The following RAPGEF6 variants were observed in gnomAD, a reference collection of about 807,000 sequenced individuals.
The protein encoded by RAPGEF6 is PDZ domain containing guanine nucleotide exchange factor (GEF) 2.
Under a neutral mutation model 171.4 loss-of-function variants are expected in RAPGEF6, and 56 were observed. The observed-to-expected ratio is 0.33, with a 90% CI of 0.26 to 0.41. RAPGEF6 has a LOEUF of 0.41. Ranked by LOEUF, RAPGEF6 falls within the 10% of genes least tolerant of loss-of-function variation. RAPGEF6 has a pLI of 1.00. For missense variants in RAPGEF6, 1,674 were observed against 1,921.4 expected, an observed-to-expected ratio of 0.87 and a Z score of 2.41; for synonymous variants, 692 against 650.1, an observed-to-expected ratio of 1.06 and a Z score of -0.98.
At chr5:131,452,756 GCGCCCGGCCTGC>G (rs1753188769) in intron 21 of RAPGEF6, among the ~76,000 whole-genome samples, 2 of 151,826 alleles carry the variant, frequency 1.3e-5, no homozygotes, top group Non-Finnish European at 2.9e-5. Flanking sequence ...GTGAGCCACT[GCGCCCGGCCTGC>G]TGATGTTTTA....
At chr5:131,591,129 T>C (rs3756291) in intron 4 of RAPGEF6, among the ~76,000 whole-genome samples, 86,710 of 152,086 alleles carry the variant, frequency 0.57, 29,107 homozygotes, top group Non-Finnish European at 0.76. Context: ...TAAAATGATA[T>C]TTAAATTGAG....
chr5:131,426,734 G>T lies in RAPGEF6; in HGVS notation c.*532C>A. 7 of 165,604 alleles carry T rather than the reference G, an allele frequency of 4.2e-5. No individual in the cohort carries two copies. Among genetic ancestry groups the T allele is most frequent in the Non-Finnish European group, 7.7e-5 (6 of 77,456 alleles). The allele number at this position is 165,604 out of a possible 1,614,324, so 10.3% of individuals were successfully genotyped here. ...CCTCTGTAAAGATGACTTCTGTTTG[G>T]TCAGACCAGAGACAATTTTATGACC... On this transcript the variant is annotated 3_prime_UTR_variant, in exon 28 of 28. Coordinates refer to ENST00000509018, the MANE Select transcript of RAPGEF6 (RefSeq NM_016340.6).
intron 20 of RAPGEF6, among the ~76,000 whole-genome samples, chr5:131,455,393 G>C (rs570841805): frequency 6.6e-6 from 1 of 152,148 alleles, no homozygotes; most frequent in African/African-American, 2.4e-5. Context: ...CAAGTAGCTG[G>C]AACTACAGGC....
At chr5:131,513,547 A>G (rs1161253209) in intron 7 of RAPGEF6, among the ~76,000 whole-genome samples, 5 of 152,238 alleles carry the variant, frequency 3.3e-5, no homozygotes, top group Admixed American at 3.3e-4. Context: ...TATGGACAGT[A>G]GAGAAGGCTA....
At chr5:131,596,374 C>G (rs1763905490) in intron 3 of RAPGEF6, among the ~76,000 whole-genome samples, 1 of 148,992 alleles carries the variant, frequency 6.7e-6, no homozygotes, top group South Asian at 2.1e-4. Flanking sequence ...ATATTTGTGT[C>G]TCATATATAT....
Position 131,426,149 on chromosome 5 carries a change from T to C in RAPGEF6, c.*1117A>G, listed in dbSNP as rs1751385273. ...ATCATTTCTGTAACTCCAGCTCCTC[T>C]TTCTCCCACAAAATGTTACTGCAGC... On this transcript the variant is annotated 3_prime_UTR_variant, in exon 28 of 28. Coordinates refer to ENST00000509018, the MANE Select transcript of RAPGEF6 (RefSeq NM_016340.6). 1 of 152,232 alleles carries C rather than the reference T, an allele frequency of 6.6e-6. No individual in the cohort carries two copies. The highest frequency in any genetic ancestry group is 1.5e-5 in the Non-Finnish European group (1 of 68,014). 9.4% of individuals were successfully genotyped at this position (152,232 alleles called of 1,614,324 possible). A position where few individuals can be genotyped will look rare whatever the true frequency, so the allele number is the denominator to read the frequency against.
intron 4 of RAPGEF6, among the ~76,000 whole-genome samples, chr5:131,586,661 A>G (rs1173006137): frequency 6.6e-6 from 1 of 152,206 alleles, no homozygotes. Context: ...ATGAAAATGT[A>G]TTCATCGGCA....
At chr5:131,610,984 G>C (rs779898979) in intron 1 of RAPGEF6, among the ~76,000 whole-genome samples, 2 of 152,166 alleles carry the variant, frequency 1.3e-5, no homozygotes, top group Non-Finnish European at 2.9e-5. Context: ...CTTCCCATGC[G>C]ATACTCCCAA....
chr5:131,493,258 G>T (rs1266096375), intron 13 of RAPGEF6, among the ~76,000 whole-genome samples: 1 of 152,014 alleles, frequency 6.6e-6, no homozygotes, highest in Non-Finnish European at 1.5e-5. Context: ...TAGAGACAGG[G>T]TTTCACCATG....
At chr5:131,524,767 C>A (rs1193323503) in intron 6 of RAPGEF6, among the ~76,000 whole-genome samples, 1 of 152,114 alleles carries the variant, frequency 6.6e-6, no homozygotes, top group Non-Finnish European at 1.5e-5. Flanking sequence ...AGATGTATAC[C>A]ACCATGCCCA....
At chr5:131,518,863 T>C (rs1257508926) in intron 7 of RAPGEF6, among the ~76,000 whole-genome samples, 1 of 152,212 alleles carries the variant, frequency 6.6e-6, no homozygotes, top group African/African-American at 2.4e-5. Context: ...CTTTTATCTT[T>C]TCATGCTCTC....
chr5:131,489,465 T>A, intron 15 of RAPGEF6, 81 bp downstream of exon 15: 1 of 768,942 alleles, frequency 1.3e-6, no homozygotes. Flanking sequence ...TATATTTTAC[T>A]ATCTTTTCTT....
At position 131,426,033 on chromosome 5, in the gene RAPGEF6, A is replaced by T. The variant is rs1184274374; in HGVS notation, c.*1233T>A. On this transcript the variant is annotated 3_prime_UTR_variant, in exon 28 of 28. Transcript: ENST00000509018. ...GTGAAAAATCTGCCTCATCCAGTAA[A>T]CAGTCACTGAAATTTTAATTAAGAG... The T allele has an allele frequency of 6.6e-6, 1 of 152,062 alleles. No homozygotes were observed. The highest frequency in any genetic ancestry group is 2.4e-5 in the African/African-American group (1 of 41,376). 9.4% of individuals were successfully genotyped at this position (152,062 alleles called of 1,614,324 possible).
intron 9 of RAPGEF6, 101 bp from the exon 10 acceptor site, chr5:131,505,623 G>A: frequency 1.9e-6 from 2 of 1,044,280 alleles, no homozygotes; most frequent in African/African-American, 1.6e-5. Flanking sequence ...GAATAAAAAG[G>A]AAAAAGGAGG....
chr5:131,509,523 A>T (rs1228842649), intron 8 of RAPGEF6, among the ~76,000 whole-genome samples: 1 of 151,164 alleles, frequency 6.6e-6, no homozygotes, highest in East Asian at 1.9e-4. Flanking sequence ...AGCCTGGGCG[A>T]CAGAGTGAGA....
At chr5:131,481,565 G>C (rs1435298289) in intron 15 of RAPGEF6, among the ~76,000 whole-genome samples, 1 of 152,130 alleles carries the variant, frequency 6.6e-6, no homozygotes, top group African/African-American at 2.4e-5. Context: ...ACTAAGTCTG[G>C]TGAATTATTT....
intron 6 of RAPGEF6, among the ~76,000 whole-genome samples, chr5:131,521,891 A>ACTCT (rs144983094): frequency 1.9e-4 from 23 of 123,642 alleles, no homozygotes; most frequent in African/African-American, 5.3e-4. Flanking sequence ...ACACACACAC[A>ACTCT]CTCTCTCTCT....
intron 22 of RAPGEF6, among the ~76,000 whole-genome samples, chr5:131,446,053 G>GT (rs1752671095): frequency 1.3e-5 from 2 of 150,212 alleles, no homozygotes; most frequent in African/African-American, 4.9e-5. Context: ...ATTTTTTTTT[G>GT]TTTTACCTTA....
At chr5:131,493,022 C>G (rs31257) in intron 13 of RAPGEF6, among the ~76,000 whole-genome samples, 117,293 of 151,752 alleles carry the variant, frequency 0.77, 45,646 homozygotes, top group African/African-American at 0.83. Context: ...TTTACAGAGA[C>G]ATGACAAAAA....
Sources: gnomAD v4.1 joint callset for allele counts (sites outside exome capture counted in the v4.1 genomes callset) on GRCh38, gnomAD v4.1.1 for gene constraint, MANE v1.5 for transcripts, NCBI Gene and HGNC (gene_info 2026-07-23, HGNC 2026-07-21) for gene names.